Variants in WDPCP observed in about 807,000 individuals in gnomAD.
WDPCP encodes the protein WD repeat-containing and planar cell polarity effector protein fritz homolog.
A neutral mutation model predicts 93.1 loss-of-function variants in WDPCP; 71 were observed. The ratio of observed to expected loss-of-function variants is 0.76; its 90% CI spans 0.63 to 0.93. WDPCP has a LOEUF of 0.93. Ranked by LOEUF, WDPCP falls within the 40% of genes least tolerant of loss-of-function variation. WDPCP has a pLI of 0.00. For missense variants in WDPCP, 844 were observed against 887.4 expected, an observed-to-expected ratio of 0.95 and a Z score of 0.62; for synonymous variants, 315 against 315.0, an observed-to-expected ratio of 1.00 and a Z score of 0.00.
intron 2 of WDPCP, chr2:63,717,184 C>T: frequency 4.4e-6 from 2 of 450,718 alleles, no homozygotes; most frequent in Admixed American, 2.6e-5. Context: ...TTTTTGTATT[C>T]TTGCTGTCCA....
chr2:63,493,793 T>C (rs1428808922), intron 1 of WDPCP, among the ~76,000 whole-genome samples: 1 of 152,178 alleles, frequency 6.6e-6, no homozygotes, highest in African/African-American at 2.4e-5. Context: ...ACTGTATTTA[T>C]GTTATACTAC....
intron 14 of WDPCP, among the ~76,000 whole-genome samples, chr2:63,243,129 C>T (rs1401081852): frequency 6.6e-6 from 1 of 152,162 alleles, no homozygotes; most frequent in Non-Finnish European, 1.5e-5. Flanking sequence ...GTCAATCTGA[C>T]TTCTCAGGCT....
intron 2 of WDPCP, among the ~76,000 whole-genome samples, chr2:63,488,416 A>G (rs1000839828): frequency 2.0e-5 from 3 of 152,116 alleles, no homozygotes; most frequent in African/African-American, 2.4e-5. Flanking sequence ...AAAATAGTCA[A>G]TTGCGTGTAC....
chr2:63,517,250 G>A (rs1177631374), intron 1 of WDPCP, among the ~76,000 whole-genome samples: 1 of 151,642 alleles, frequency 6.6e-6, no homozygotes, highest in Non-Finnish European at 1.5e-5. Flanking sequence ...CATATATTAT[G>A]TATAATATTT....
chr2:63,483,645 G>A (rs771984125), intron 6 of WDPCP, among the ~76,000 whole-genome samples: 26 of 151,730 alleles, frequency 1.7e-4, no homozygotes, highest in Non-Finnish European at 3.8e-4. Context: ...AGAACCATGG[G>A]CCTAAACTAC....
chr2:63,807,352 G>T (rs1670782682), intron 2 of WDPCP, among the ~76,000 whole-genome samples: 1 of 152,120 alleles, frequency 6.6e-6, no homozygotes. Flanking sequence ...CAAGAGATCT[G>T]GTTTTTTAAA....
intron 2 of WDPCP, among the ~76,000 whole-genome samples, chr2:63,691,976 TA>T (rs1385789726): frequency 6.6e-6 from 1 of 151,646 alleles, no homozygotes; most frequent in African/African-American, 2.4e-5. Context: ...GAAATAATTA[TA>T]AAAAAATATA....
At chr2:63,500,276 C>T (rs1316081197) in intron 1 of WDPCP, among the ~76,000 whole-genome samples, 1 of 152,068 alleles carries the variant, frequency 6.6e-6, no homozygotes, top group Non-Finnish European at 1.5e-5. Context: ...GAGGCCTGGA[C>T]TACATAAAAA....
At chr2:63,231,802 A>G (rs1221179238) in intron 14 of WDPCP, among the ~76,000 whole-genome samples, 1 of 152,164 alleles carries the variant, frequency 6.6e-6, no homozygotes, top group East Asian at 1.9e-4. Flanking sequence ...GCTACCATTG[A>G]CTTTCTTCAC....
intron 1 of WDPCP, among the ~76,000 whole-genome samples, chr2:63,533,259 G>A (rs1417167999): frequency 6.6e-6 from 1 of 152,080 alleles, no homozygotes; most frequent in Non-Finnish European, 1.5e-5. Flanking sequence ...CAATAATAAT[G>A]GGAGACTTGA....
intron 6 of WDPCP, among the ~76,000 whole-genome samples, chr2:63,463,105 G>A (rs1230117879): frequency 9.3e-5 from 14 of 150,806 alleles, no homozygotes; most frequent in Admixed American, 9.2e-4. Context: ...ACGGGGGAAA[G>A]GAACACGGAC....
intron 14 of WDPCP, among the ~76,000 whole-genome samples, chr2:63,224,665 G>A (rs1423482264): frequency 6.6e-6 from 1 of 151,952 alleles, no homozygotes; most frequent in African/African-American, 2.4e-5. Flanking sequence ...TTCCAACTAT[G>A]TGACATTCTA....
At chr2:63,824,537 C>CA (rs70965144) in intron 1 of WDPCP, among the ~76,000 whole-genome samples, 49,514 of 84,684 alleles carry the variant, frequency 0.58, 18,168 homozygotes, top group East Asian at 0.9. Context: ...GACCATGTTT[C>CA]AAAAAAAAAA....
At chr2:63,549,444 A>T (rs1287884229) in intron 1 of WDPCP, among the ~76,000 whole-genome samples, 5 of 152,094 alleles carry the variant, frequency 3.3e-5, no homozygotes, top group Admixed American at 3.3e-4. Flanking sequence ...AGAAAAAAAA[A>T]TTACCAAGTC....
chr2:63,429,285 C>T (rs751296815), intron 9 of WDPCP, among the ~76,000 whole-genome samples: 10 of 151,978 alleles, frequency 6.6e-5, no homozygotes, highest in African/African-American at 2.4e-4. Context: ...TCAGTCTTAG[C>T]AAAGAATTTA....
intron 14 of WDPCP, among the ~76,000 whole-genome samples, chr2:63,179,903 GT>G (rs1559178840): frequency 6.6e-6 from 1 of 152,042 alleles, no homozygotes; most frequent in Non-Finnish European, 1.5e-5. Context: ...GTTAAGATTT[GT>G]TTTGTGGCCT....
chr2:63,782,069 G>A (rs1226666373), intron 2 of WDPCP, among the ~76,000 whole-genome samples: 1 of 152,036 alleles, frequency 6.6e-6, no homozygotes, highest in Non-Finnish European at 1.5e-5. Context: ...CCTTCAAACT[G>A]CAGCTAAGTA....
intron 9 of WDPCP, among the ~76,000 whole-genome samples, chr2:63,430,526 T>C (rs184195742): frequency 3.4e-4 from 52 of 152,364 alleles, no homozygotes; most frequent in South Asian, 4.1e-4. Context: ...ATTTACTGTA[T>C]ATTTTTCAAA....
At chr2:63,282,419 T>G (rs1683635359) in intron 13 of WDPCP, among the ~76,000 whole-genome samples, 1 of 152,068 alleles carries the variant, frequency 6.6e-6, no homozygotes, top group Admixed American at 6.5e-5. Context: ...GCAAGAGAAT[T>G]GCTTGAACCT....
Sources: allele counts gnomAD v4.1 joint callset (sites outside exome capture counted in the v4.1 genomes callset), GRCh38; gene constraint gnomAD v4.1.1; transcripts MANE v1.5; gene names NCBI Gene and HGNC (gene_info 2026-07-23, HGNC 2026-07-21).